Variants in CDK11B observed in about 807,000 individuals in gnomAD.
The protein encoded by CDK11B is cyclin dependent kinase 11B.
In CDK11B, 37 loss-of-function variants were observed where a neutral mutation model predicts 84.0. The ratio of observed to expected loss-of-function variants is 0.44; its 90% CI spans 0.34 to 0.58. CDK11B has a LOEUF of 0.58. Ranked by LOEUF, CDK11B falls within the 20% of genes least tolerant of loss-of-function variation. The probability of loss-of-function intolerance (pLI) is 0.02; values close to 1 mark genes in which losing one functional copy is unlikely to be tolerated. For synonymous variants in CDK11B, 269 were observed against 309.8 expected (o/e 0.87, Z 1.38); for missense variants, 427 against 834.0 (o/e 0.51, Z 6.01).
At position 1,638,933 on chromosome 1, in the gene CDK11B, T is replaced by C. The variant is rs1052209772; in HGVS notation, c.1252-343A>G. Among the ~76,000 whole-genome samples, 12 of 149,160 alleles carry C rather than the reference T, an allele frequency of 8.0e-5. 1 individual carries two copies. The highest frequency in any genetic ancestry group is 3.0e-4 in the African/African-American group (12 of 39,504). On this transcript the variant is annotated intron_variant, in intron 11 of 19. Coordinates refer to ENST00000341832, the MANE Select transcript of CDK11B (RefSeq NM_033486.3). ...CCGGCCAACATAGCAACACTCTGTT[T>C]TCTATTTTTTTTTTTTTTTTTTTTT...
intron 5 of CDK11B, among the ~76,000 whole-genome samples, chr1:1,648,607 C>G (rs1641480104): frequency 6.6e-6 from 1 of 152,020 alleles, no homozygotes; most frequent in South Asian, 2.1e-4. Context: ...CCTGCTCCCA[C>G]CTGGCCTACA....
intron 13 of CDK11B, 34 bp downstream of exon 13, chr1:1,637,728 C>CA (rs1639596399): frequency 6.2e-7 from 1 of 1,613,566 alleles, no homozygotes; most frequent in Non-Finnish European, 8.5e-7. Flanking sequence ...AAAAGCCTTC[C>CA]ACCCGGGGCC....
intron 11 of CDK11B, among the ~76,000 whole-genome samples, chr1:1,639,131 G>C (rs1289550525): frequency 4.6e-5 from 7 of 151,534 alleles, no homozygotes; most frequent in Non-Finnish European, 8.8e-5. Context: ...AGTAGAGACA[G>C]GATTTCACCA....
intron 11 of CDK11B, among the ~76,000 whole-genome samples, chr1:1,639,983 G>C (rs911162934): frequency 5.9e-5 from 9 of 151,604 alleles, no homozygotes; most frequent in East Asian, 1.9e-4. Context: ...GTGCGGAGGA[G>C]GACGCAACTC....
At chr1:1,654,876 T>A (rs1476447077) in intron 3 of CDK11B, among the ~76,000 whole-genome samples, 1 of 151,526 alleles carries the variant, frequency 6.6e-6, no homozygotes, top group Non-Finnish European at 1.5e-5. Flanking sequence ...GCCAGGATGG[T>A]CTTGATCTTC....
In CDK11B at chr1:1,637,768, G is replaced by C. The variant is rs374689261; in HGVS notation, c.1458C>G (p.Thr486=). The change falls in exon 13 of 20, where the codon ACC becomes ACG. Residue 486 remains threonine, a synonymous_variant. Coordinates refer to ENST00000341832, the MANE Select transcript of CDK11B (RefSeq NM_033486.3). ...ILKAQHPNIV[T]VREIVVGSNM... ...GTGGTGGGGCCATGCTCACTCTAACGGTGACGATGTTGGGATGCTGGGCCT... is the reference window on the plus strand; with the variant it reads ...GTGGTGGGGCCATGCTCACTCTAACCGTGACGATGTTGGGATGCTGGGCCT... 6.2e-7 allele frequency: 1 copy of C among 1,613,640 alleles called. No individual in the cohort carries two copies. The highest frequency in any genetic ancestry group is 2.2e-5 in the East Asian group (1 of 44,898).
At chr1:1,644,865 T>C (rs981645574) in intron 6 of CDK11B, among the ~76,000 whole-genome samples, 1 of 148,488 alleles carries the variant, frequency 6.7e-6, no homozygotes, top group Non-Finnish European at 1.5e-5. Context: ...TGGTGGCGGG[T>C]GCCTGTAATC....
At chr1:1,654,659 T>C (rs1642483198) in intron 3 of CDK11B, among the ~76,000 whole-genome samples, 2 of 130,052 alleles carry the variant, frequency 1.5e-5, no homozygotes, top group Admixed American at 7.5e-5. Context: ...AATCTTTTTT[T>C]TCCTTTTTTT....
intron 10 of CDK11B, among the ~76,000 whole-genome samples, 185 bp downstream of exon 10, chr1:1,640,863 T>C (rs1478699556): frequency 6.6e-6 from 1 of 150,754 alleles, no homozygotes; most frequent in East Asian, 1.9e-4. Flanking sequence ...CAGGACGCCC[T>C]TGGTCAGCAC....
intron 1 of CDK11B, among the ~76,000 whole-genome samples, chr1:1,658,513 C>G (rs1385264238): frequency 1.4e-5 from 2 of 146,366 alleles, no homozygotes; most frequent in Non-Finnish European, 1.5e-5. Context: ...AACTCAGGAC[C>G]TGCCACTCAT....
intron 11 of CDK11B, among the ~76,000 whole-genome samples, chr1:1,639,438 A>G (rs1457504285): frequency 6.6e-6 from 1 of 151,626 alleles, no homozygotes; most frequent in Non-Finnish European, 1.5e-5. Context: ...CCATCCCAAG[A>G]GTCTCTTTGT....
intron 5 of CDK11B, among the ~76,000 whole-genome samples, chr1:1,647,290 T>C (rs1277601126): frequency 6.6e-6 from 1 of 152,298 alleles, no homozygotes. Flanking sequence ...TGGGTCACAC[T>C]GTCATACTTC....
intron 5 of CDK11B, 173 bp from the exon 6 acceptor site, chr1:1,645,435 T>C (rs1356003181): frequency 1.7e-6 from 1 of 582,894 alleles, no homozygotes; most frequent in East Asian, 3.5e-5. Context: ...TGGAGTGCGG[T>C]GGCGCGATCT....
chr1:1,643,498 C>G (rs1433790776), intron 6 of CDK11B, among the ~76,000 whole-genome samples: 1 of 150,374 alleles, frequency 6.7e-6, no homozygotes, highest in Non-Finnish European at 1.5e-5. Context: ...AAGAAGCCAA[C>G]AGACACGGTT....
At chr1:1,649,291 C>T (rs1347575054) in intron 5 of CDK11B, among the ~76,000 whole-genome samples, 5 of 151,928 alleles carry the variant, frequency 3.3e-5, no homozygotes, top group South Asian at 2.1e-4. Context: ...TTAGTAGAGA[C>T]GGGGTTTCAC....
intron 2 of CDK11B, 149 bp from the exon 3 acceptor site, chr1:1,655,633 A>T: frequency 7.7e-7 from 1 of 1,304,656 alleles, no homozygotes; most frequent in Non-Finnish European, 1.0e-6. Context: ...TAAAATATAA[A>T]GAACTTTTGG....
Position 1,636,939 on chromosome 1 carries a change from C to A in CDK11B, c.1758G>T (p.Val586=). The change falls in exon 16 of 20, where the codon GTG becomes GTT. Residue 586 remains valine (V), a synonymous_variant. Coordinates refer to ENST00000341832, the MANE Select transcript of CDK11B (RefSeq NM_033486.3). The part of the protein sequence containing the change: ...SPLKAYTPVV[V]TLWYRAPELL... ...GCTCTGGGGCGCGGTACCACAGGGT[C>A]ACCACGACCGGGGTGTAGGCCTTCA... The A allele has an allele frequency of 6.2e-7, 1 of 1,607,516 alleles. No homozygotes were observed.
At position 1,652,440 on chromosome 1, in the gene CDK11B, C is replaced by T. The variant is rs1345321252; in HGVS notation, c.354G>A (p.Gly118=). The change falls in exon 4 of 20, where the codon GGG becomes GGA. Residue 118 remains glycine (G), a splice_region_variant and synonymous_variant. Transcript: ENST00000341832. ...KRRHRSHSAE[G]GKHARVKEKE... The stretch of plus-strand genomic sequence containing the variant: ...CAAAGAAAGTAAATGCTTCTGTACC[C>T]CCTTCTGCTGAATGGCTACGATGCC... The T allele has an allele frequency of 6.7e-7, 1 of 1,497,980 alleles. No homozygotes were observed. The highest frequency in any genetic ancestry group is 8.8e-7 in the Non-Finnish European group (1 of 1,133,030). 92.8% of individuals were successfully genotyped at this position (1,497,980 alleles called of 1,614,324 possible). A position where few individuals can be genotyped will look rare whatever the true frequency, so the allele number is the denominator to read the frequency against.
At chr1:1,654,402 G>A (rs1203307733) in intron 3 of CDK11B, among the ~76,000 whole-genome samples, 2 of 152,148 alleles carry the variant, frequency 1.3e-5, no homozygotes, top group Admixed American at 1.3e-4. Context: ...ATGACCATGA[G>A]GGGCACCTGC....
Sources: gnomAD v4.1 joint callset for allele counts (sites outside exome capture counted in the v4.1 genomes callset) on GRCh38, gnomAD v4.1.1 for gene constraint, MANE v1.5 for transcripts, NCBI Gene and HGNC (gene_info 2026-07-23, HGNC 2026-07-21) for gene names.